Variants in TOGARAM1 observed in about 807,000 individuals in gnomAD.
The protein encoded by TOGARAM1 is TOG array regulator of axonemal microtubules protein 1.
In TOGARAM1, 100 loss-of-function variants were observed where a neutral mutation model predicts 166.6. The observed-to-expected ratio is 0.60, with a 90% CI of 0.51 to 0.71. The LOEUF (loss-of-function observed/expected upper bound fraction) is 0.71, where lower values mean the gene tolerates loss of function less well. TOGARAM1 is among the 30% of genes least tolerant of loss of function. The pLI is 0.00. For synonymous variants in TOGARAM1, 758 were observed against 763.8 expected, an observed-to-expected ratio of 0.99 and a Z score of 0.13; for missense variants, 2,029 against 2,102.7, an observed-to-expected ratio of 0.96 and a Z score of 0.69.
intron 1 of TOGARAM1, among the ~76,000 whole-genome samples, chr14:44,980,952 A>G (rs948745451): frequency 1.3e-5 from 2 of 152,170 alleles, no homozygotes; most frequent in African/African-American, 4.8e-5. Context: ...GTTCAGTTTT[A>G]TGAGGATTAG....
At chr14:44,968,784 A>G (rs755186414) in intron 1 of TOGARAM1, among the ~76,000 whole-genome samples, 4 of 152,222 alleles carry the variant, frequency 2.6e-5, no homozygotes, top group Admixed American at 6.5e-5. Flanking sequence ...TGGCAAATGT[A>G]TCCATGTCTT....
At chr14:44,998,270 C>T (rs996306648) in intron 2 of TOGARAM1, among the ~76,000 whole-genome samples, 2 of 152,162 alleles carry the variant, frequency 1.3e-5, no homozygotes, top group African/African-American at 4.8e-5. Context: ...CCTAATTGTA[C>T]AGATTCTAAA....
intron 7 of TOGARAM1, among the ~76,000 whole-genome samples, chr14:45,013,082 A>G (rs1879908426): frequency 6.6e-6 from 1 of 152,110 alleles, no homozygotes; most frequent in South Asian, 2.1e-4. Flanking sequence ...TGTATCTTGT[A>G]CTTTCCCTGT....
intron 1 of TOGARAM1, among the ~76,000 whole-genome samples, chr14:44,988,309 A>G (rs1254250090): frequency 6.6e-6 from 1 of 152,202 alleles, no homozygotes; most frequent in African/African-American, 2.4e-5. Flanking sequence ...ATAAGCACTT[A>G]ACGTATTAAT....
At chr14:44,997,683 C>A (rs1178522233) in intron 2 of TOGARAM1, among the ~76,000 whole-genome samples, 1 of 151,988 alleles carries the variant, frequency 6.6e-6, no homozygotes, top group Non-Finnish European at 1.5e-5. Context: ...TATTCTTCAA[C>A]ATACCCATCT....
At chr14:45,014,043 CTT>C (rs33935090) in intron 7 of TOGARAM1, among the ~76,000 whole-genome samples, 31 of 127,790 alleles carry the variant, frequency 2.4e-4, no homozygotes, top group Admixed American at 3.2e-4. Flanking sequence ...GTTGCGTAAT[CTT>C]TTTTTTTTTT....
chr14:45,001,657 A>G (rs115446694), intron 3 of TOGARAM1, among the ~76,000 whole-genome samples: 2,938 of 152,360 alleles, frequency 0.019, 36 homozygotes, highest in Middle Eastern at 0.051. Context: ...AAAGCTCAAC[A>G]TCACTAATCA....
At chr14:45,051,959 A>C (rs575121704) in intron 14 of TOGARAM1, among the ~76,000 whole-genome samples, 2 of 152,292 alleles carry the variant, frequency 1.3e-5, no homozygotes, top group East Asian at 1.9e-4. Flanking sequence ...CTAACCTACC[A>C]AACATCATAA....
intron 1 of TOGARAM1, chr14:44,995,398 CTCAAA>C: frequency 2.2e-6 from 1 of 450,660 alleles, no homozygotes; most frequent in Non-Finnish European, 4.5e-6. Context: ...TTGTCTAGTA[CTCAAA>C]CAAAGATAGC....
chr14:44,966,990 T>C (rs1359519871), intron 1 of TOGARAM1, among the ~76,000 whole-genome samples: 1 of 151,850 alleles, frequency 6.6e-6, no homozygotes, highest in Non-Finnish European at 1.5e-5. Context: ...AGTAACATGA[T>C]GCCTAGCCTT....
intron 10 of TOGARAM1, 63 bp from the exon 11 acceptor site, chr14:45,032,159 CA>C: frequency 6.8e-7 from 1 of 1,480,452 alleles, no homozygotes; most frequent in Non-Finnish European, 9.1e-7. Context: ...GACTCCATCT[CA>C]AAAAGATAAA....
chr14:45,047,674 C>G (rs1291678170), intron 14 of TOGARAM1, among the ~76,000 whole-genome samples: 1 of 152,202 alleles, frequency 6.6e-6, no homozygotes, highest in East Asian at 1.9e-4. Flanking sequence ...TACTTAATTT[C>G]TGTTAGTCTC....
chr14:44,999,958 G>A (rs1021051312), intron 3 of TOGARAM1, among the ~76,000 whole-genome samples: 1 of 152,000 alleles, frequency 6.6e-6, no homozygotes, highest in Non-Finnish European at 1.5e-5. Flanking sequence ...GCTATACTGA[G>A]CACTAGATCT....
intron 11 of TOGARAM1, among the ~76,000 whole-genome samples, chr14:45,032,899 G>C (rs1241426775): frequency 6.6e-6 from 1 of 152,020 alleles, no homozygotes; most frequent in Non-Finnish European, 1.5e-5. Context: ...CATCAGTTTT[G>C]CCTGTGTTCT....
intron 1 of TOGARAM1, among the ~76,000 whole-genome samples, chr14:44,989,237 T>A (rs2138786525): frequency 6.6e-6 from 1 of 152,340 alleles, no homozygotes; most frequent in East Asian, 1.9e-4. Flanking sequence ...TGGAAAACTG[T>A]TAAATATTAT....
At chr14:44,986,291 C>CT in intron 1 of TOGARAM1, among the ~76,000 whole-genome samples, 1 of 152,174 alleles carries the variant, frequency 6.6e-6, no homozygotes, top group South Asian at 2.1e-4. Flanking sequence ...CTTATGTGAA[C>CT]TTTTTTGTTG....
chr14:45,055,760 C>T (rs947134348), intron 16 of TOGARAM1, among the ~76,000 whole-genome samples: 10 of 144,956 alleles, frequency 6.9e-5, no homozygotes, highest in East Asian at 2.0e-4. Context: ...GCTGAGATCA[C>T]GCCATTGGAT....
At chr14:44,970,994 G>A (rs966564685) in intron 1 of TOGARAM1, among the ~76,000 whole-genome samples, 1 of 152,068 alleles carries the variant, frequency 6.6e-6, no homozygotes. Flanking sequence ...GGTCTGTGGG[G>A]TTTTTGTTTT....
chr14:44,962,589 C>T lies in TOGARAM1; in HGVS notation c.168C>T (p.Asp56=). 6.2e-7 allele frequency: 1 copy of T among 1,613,734 alleles called. No individual in the cohort carries two copies. Among genetic ancestry groups the T allele is most frequent in the Non-Finnish European group, 8.5e-7 (1 of 1,179,736 alleles). ...ACTACTTCCGTGGAGCTGCGGGGGA[C>T]CACGGTTCCTGCCCCACTACAACTT... ...KNYYFRGAAG[D]HGSCPTTTSP... is the part of the protein sequence containing the mutation. Residue 56 remains aspartate (D), a synonymous_variant, in exon 1 of 20, where the codon GAC becomes GAT. Coordinates refer to ENST00000361462, the MANE Select transcript of TOGARAM1 (RefSeq NM_001308120.2).
Sources: allele counts gnomAD v4.1 joint callset (sites outside exome capture counted in the v4.1 genomes callset), GRCh38; gene constraint gnomAD v4.1.1; transcripts MANE v1.5; gene names NCBI Gene and HGNC (gene_info 2026-07-23, HGNC 2026-07-21).